COLQ: variants seen among roughly 807,000 people sequenced by gnomAD.
COLQ encodes the protein acetylcholinesterase collagenic tail peptide.
Under a neutral mutation model 69.0 loss-of-function variants are expected in COLQ, and 48 were observed. That is an observed-to-expected ratio of 0.70 (90% CI 0.55 to 0.88). The LOEUF is 0.88. COLQ is among the 40% of genes least tolerant of loss of function. The probability of loss-of-function intolerance (pLI) is 0.00; values close to 1 mark genes in which losing one functional copy is unlikely to be tolerated. For synonymous variants in COLQ, 217 were observed against 211.2 expected (o/e 1.03, Z -0.24); for missense variants, 618 against 594.6 (o/e 1.04, Z -0.41).
intron 5 of COLQ, among the ~76,000 whole-genome samples, chr3:15,478,227 C>G (rs1247399406): frequency 6.6e-6 from 1 of 152,184 alleles, no homozygotes; most frequent in South Asian, 2.1e-4. Context: ...TGTGCCTTGG[C>G]TATAGTTTTC....
In COLQ at chr3:15,498,373, G is replaced by A; in HGVS notation, c.107-8736C>T. ...CACAATGAGAAACAGCCCTGTGAAA[G>A]AAAAACTTAAAAAGAAAAAAAATTT... On this transcript the variant is annotated intron_variant, in intron 1 of 16. Transcript: ENST00000383788. 6 of 864,048 alleles carry A rather than the reference G, an allele frequency of 6.9e-6. No homozygotes were observed. The South Asian group carries it at 1.1e-4, about 16-fold the overall frequency. The allele number at this position is 864,048 out of a possible 1,614,324, so 53.5% of individuals were successfully genotyped here. A position where few individuals can be genotyped will look rare whatever the true frequency, so the allele number is the denominator to read the frequency against.
Position 15,466,343 on chromosome 3 carries a change from G to A in COLQ, c.812C>T (p.Ala271Val), listed in dbSNP as rs373735085. The change falls in exon 12 of 17, where the codon GCA becomes GTA. Residue 271 changes from alanine to valine, a missense_variant and splice_region_variant. By Grantham distance (64) the Ala-to-Val change is moderately conservative. Transcript: ENST00000383788. The stretch of plus-strand genomic sequence containing the variant: ...AAGTGAAGCAGTGTAGCTCTTACCT[G>A]CAGGTGGGGGGCCTGGGGGCCCCGG... ...GRPGPPGPPP[A>V]GQLIMGPKGE... 126 of 1,612,206 alleles carry A rather than the reference G, an allele frequency of 7.8e-5. No homozygotes were observed. The highest frequency in any genetic ancestry group is 1.6e-4 in the Middle Eastern group (1 of 6,078).
chr3:15,458,237 G>T lies in COLQ; in HGVS notation c.903C>A (p.Asn301Lys), dbSNP rs1055184620. ...CLCGPTMNVN[N>K]PSYGESVYGP... ...CATACACAGATTCCCCGTAGGAAGG[G>T]TTATTCACATTCATAGTGGGTCCAC... Residue 301 changes from asparagine to lysine, a missense_variant, in exon 13 of 17, where the codon AAC (asparagine) becomes AAA (lysine). Coordinates refer to ENST00000383788, the MANE Select transcript of COLQ (RefSeq NM_005677.4). The T allele has an allele frequency of 6.2e-7, 1 of 1,614,080 alleles. No individual in the cohort carries two copies. The highest frequency in any genetic ancestry group is 8.5e-7 in the Non-Finnish European group (1 of 1,179,978).
rs115058252 is a variant in COLQ at position 15,496,951 on chromosome 3, A to G, written c.107-7314T>C. Among the ~76,000 whole-genome samples, 1,147 of 152,168 alleles carry G rather than the reference A, an allele frequency of 7.5e-3. 19 individuals are homozygous for G. Among genetic ancestry groups the G allele is most frequent in the African/African-American group, 0.026 (1,060 of 41,508 alleles). ...GGTGCAAGTGGCCATGTGAGCCAGT[A>G]CAACTCACTTACTCAATCTGAAACT... On this transcript the variant is annotated intron_variant, in intron 1 of 16. Coordinates refer to ENST00000383788, the MANE Select transcript of COLQ (RefSeq NM_005677.4).
chr3:15,469,863 G>A (rs2062253358), intron 11 of COLQ, among the ~76,000 whole-genome samples: 1 of 152,124 alleles, frequency 6.6e-6, no homozygotes, highest in South Asian at 2.1e-4. Flanking sequence ...TTAAGTTTGT[G>A]GGCCACAGAT....
chr3:15,507,804 A>G (rs902178325), intron 1 of COLQ, among the ~76,000 whole-genome samples: 6 of 152,188 alleles, frequency 3.9e-5, no homozygotes, highest in Non-Finnish European at 8.8e-5. Context: ...GAGACTGAGA[A>G]TATTTTCAAA....
chr3:15,518,057 C>G (rs889718159), intron 1 of COLQ, among the ~76,000 whole-genome samples: 1 of 152,104 alleles, frequency 6.6e-6, no homozygotes, highest in Admixed American at 6.6e-5. Context: ...GCAATTCTCC[C>G]GCCTCAGCCT....
chr3:15,498,526 G>A (rs370032148), intron 1 of COLQ: 51 of 1,551,508 alleles, frequency 3.3e-5, no homozygotes, highest in Admixed American at 3.9e-5. Context: ...GCAGCCTGCC[G>A]AGTAACAGAG....
rs1330079672 is a variant in COLQ at position 15,450,301 on chromosome 3, G to A, written c.*1343C>T. Reference sequence around the variant, plus strand: ...CGCCACCCTCAGGTTGATGTCACCTGTGGGAGACCGGGTCCACCTACAGAC... The same window carrying A: ...CGCCACCCTCAGGTTGATGTCACCTATGGGAGACCGGGTCCACCTACAGAC... On this transcript the variant is annotated 3_prime_UTR_variant, in exon 17 of 17. Transcript: ENST00000383788. 6 of 153,730 alleles carry A rather than the reference G, an allele frequency of 3.9e-5. No homozygotes were observed. In the East Asian group the frequency reaches 9.6e-4, roughly 25 times the overall value. 9.5% of individuals were successfully genotyped at this position (153,730 alleles called of 1,614,324 possible). A position where few individuals can be genotyped will look rare whatever the true frequency, so the allele number is the denominator to read the frequency against.
intron 12 of COLQ, among the ~76,000 whole-genome samples, chr3:15,461,976 CT>C (rs1421283039): frequency 6.6e-6 from 1 of 151,690 alleles, no homozygotes; most frequent in Non-Finnish European, 1.5e-5. Flanking sequence ...GATTATCCAA[CT>C]GGTCCCAGGC....
chr3:15,451,848 C>G (rs939485051), intron 16 of COLQ, 135 bp from the exon 17 acceptor site: 1 of 773,508 alleles, frequency 1.3e-6, no homozygotes, highest in Non-Finnish European at 2.2e-6. Flanking sequence ...GAGTGAGAGG[C>G]CTGGGGGAGT....
chr3:15,502,168 T>G (rs1162930686), intron 1 of COLQ, among the ~76,000 whole-genome samples: 1 of 146,640 alleles, frequency 6.8e-6, no homozygotes. Flanking sequence ...TAGGCTGGAG[T>G]GCAATGACAT....
intron 7 of COLQ, 132 bp from the exon 8 acceptor site, chr3:15,475,083 G>T (rs1190526675): frequency 7.1e-6 from 7 of 987,944 alleles, no homozygotes; most frequent in Non-Finnish European, 1.1e-5. Flanking sequence ...TAGTGGGGTT[G>T]CAGCACCAAA....
intron 1 of COLQ, among the ~76,000 whole-genome samples, chr3:15,502,116 T>A (rs1315664561): frequency 8.3e-6 from 1 of 121,146 alleles, no homozygotes; most frequent in Non-Finnish European, 1.7e-5. Flanking sequence ...TGCACTGATT[T>A]TTTTTTTTTT....
chr3:15,456,711 C>G (rs2062031150), intron 13 of COLQ, 132 bp from the exon 14 acceptor site: 1 of 1,155,988 alleles, frequency 8.7e-7, no homozygotes. Context: ...ACACTACACT[C>G]TAGCATTCCT....
At chr3:15,472,399 T>C (rs1369326515) in intron 10 of COLQ, among the ~76,000 whole-genome samples, 2 of 152,212 alleles carry the variant, frequency 1.3e-5, no homozygotes, top group African/African-American at 4.8e-5. Flanking sequence ...AATTAATGCA[T>C]GTTGATTGAA....
At chr3:15,518,864 GCACT>G (rs1446547219) in intron 1 of COLQ, among the ~76,000 whole-genome samples, 1 of 152,116 alleles carries the variant, frequency 6.6e-6, no homozygotes. Context: ...CACACAGTAG[GCACT>G]CACTAAGTTA....
chr3:15,461,251 T>C (rs2062108431), intron 12 of COLQ, among the ~76,000 whole-genome samples: 1 of 149,430 alleles, frequency 6.7e-6, no homozygotes, highest in Admixed American at 6.8e-5. Context: ...GCTCTCACCC[T>C]TTCCACCTCC....
intron 12 of COLQ, among the ~76,000 whole-genome samples, chr3:15,459,749 G>A (rs2062078774): frequency 1.3e-5 from 2 of 151,902 alleles, no homozygotes; most frequent in African/African-American, 4.8e-5. Flanking sequence ...AAAGTGCTGG[G>A]ATTACAGGTG....
Sources: gnomAD v4.1 joint callset for allele counts (sites outside exome capture counted in the v4.1 genomes callset) on GRCh38, gnomAD v4.1.1 for gene constraint, MANE v1.5 for transcripts, NCBI Gene and HGNC (gene_info 2026-07-23, HGNC 2026-07-21) for gene names.